Variants in MTOR observed in about 807,000 individuals in gnomAD.
The protein encoded by MTOR is serine/threonine-protein kinase mTOR.
In MTOR, 70 loss-of-function variants were observed where a neutral mutation model predicts 319.8. The ratio of observed to expected loss-of-function variants is 0.22; its 90% CI spans 0.18 to 0.27. The LOEUF is 0.27. MTOR is among the 10% of genes least tolerant of loss of function. The pLI is 1.00. For missense variants in MTOR, 1,890 were observed against 3,274.4 expected, an observed-to-expected ratio of 0.58 and a Z score of 10.32; for synonymous variants, 1,183 against 1,211.4, an observed-to-expected ratio of 0.98 and a Z score of 0.49.
rs1384136659 is a variant in MTOR, at chr1:11,250,073, C to T, written c.841-1979G>A. Among the ~76,000 whole-genome samples the T allele has an allele frequency of 3.3e-4, 45 of 136,706 alleles. 1 individual carries two copies. Among genetic ancestry groups the T allele is most frequent in the African/African-American group, 8.7e-4 (32 of 36,938 alleles). The allele number at this position is 136,706 out of a possible 152,430, so 89.7% of individuals were successfully genotyped here. A position where few individuals can be genotyped will look rare whatever the true frequency, so the allele number is the denominator to read the frequency against. ...CTGACCCCCACACCTCCCTCCCGGACGGGGCGGCTGGCCGGGCAGAGGGGC... is the reference window on the plus strand; with the variant it reads ...CTGACCCCCACACCTCCCTCCCGGATGGGGCGGCTGGCCGGGCAGAGGGGC... On this transcript the variant is annotated intron_variant, in intron 6 of 57. Transcript: ENST00000361445.
chr1:11,214,480 G>A (rs919029427), intron 20 of MTOR, among the ~76,000 whole-genome samples: 2 of 152,140 alleles, frequency 1.3e-5, no homozygotes, highest in African/African-American at 4.8e-5. Flanking sequence ...AAAAGTTCTG[G>A]AGTAGGAAAT....
intron 10 of MTOR, among the ~76,000 whole-genome samples, chr1:11,240,810 T>C (rs1647904562): frequency 6.6e-6 from 1 of 152,076 alleles, no homozygotes; most frequent in African/African-American, 2.4e-5. Context: ...CAACAAACAC[T>C]CTGGGAAGCA....
chr1:11,259,430 A>G lies in MTOR; in HGVS notation c.-14-7T>C, dbSNP rs371287012. The G allele has an allele frequency of 3.7e-5, 56 of 1,525,126 alleles. No homozygotes were observed. The African/African-American group carries it at 6.9e-4, about 19-fold the overall frequency. The allele number at this position is 1,525,126 out of a possible 1,614,324, so 94.5% of individuals were successfully genotyped here. Reference sequence around the variant, plus strand: ...AGCATCTTGCCCTGAGGTTCTTTAGAGAGAAGTTTCCTTTAATATTCTGGA... The same window carrying G: ...AGCATCTTGCCCTGAGGTTCTTTAGGGAGAAGTTTCCTTTAATATTCTGGA... On this transcript the variant is annotated splice_region_variant and splice_polypyrimidine_tract_variant and intron_variant, in intron 1 of 57. Coordinates refer to ENST00000361445, the MANE Select transcript of MTOR (RefSeq NM_004958.4).
At chr1:11,120,173 T>C (rs1430949336) in intron 49 of MTOR, among the ~76,000 whole-genome samples, 2 of 151,964 alleles carry the variant, frequency 1.3e-5, no homozygotes, top group Non-Finnish European at 1.5e-5. Context: ...TTCTCCTGGA[T>C]TCAAATGATC....
intron 29 of MTOR, 122 bp downstream of exon 29, chr1:11,167,320 C>T (rs1644678679): frequency 5.5e-6 from 4 of 725,858 alleles, no homozygotes; most frequent in South Asian, 1.6e-5. Context: ...GGTAAGTCAG[C>T]ATCAGACTGT....
chr1:11,254,740 G>A (rs1413768348), intron 5 of MTOR, among the ~76,000 whole-genome samples: 3 of 150,814 alleles, frequency 2.0e-5, no homozygotes, highest in Admixed American at 6.6e-5. Flanking sequence ...CTATTTTTCC[G>A]TATTTTAACA....
At position 11,106,827 on chromosome 1, in the gene MTOR, T is replaced by G; in HGVS notation, c.*658A>C. ...ACAGTGATCCCCTCTGTGCATCTGC[T>G]CAGCCGAGGCTGCCAGCGATCTGAA... On this transcript the variant is annotated 3_prime_UTR_variant, in exon 58 of 58. Coordinates refer to ENST00000361445, the MANE Select transcript of MTOR (RefSeq NM_004958.4). 1.5e-6 allele frequency: 2 copies of G among 1,306,090 alleles called. No individual in the cohort carries two copies. The highest frequency in any genetic ancestry group is 2.0e-6 in the Non-Finnish European group (2 of 1,006,668). 80.9% of individuals were successfully genotyped at this position (1,306,090 alleles called of 1,614,324 possible).
intron 53 of MTOR, among the ~76,000 whole-genome samples, chr1:11,113,910 C>T (rs568652331): frequency 4.5e-4 from 69 of 152,214 alleles, no homozygotes; most frequent in Admixed American, 8.5e-4. Flanking sequence ...ATGCTGTTCT[C>T]GTGATAGTGA....
In MTOR at chr1:11,250,218, G is replaced by C. The variant is rs1386047254; in HGVS notation, c.841-2124C>G. The stretch of plus-strand genomic sequence containing the variant: ...TCCCGGACGGGGCGGCTGGCCGGGC[G>C]GGGGGCTGACCCCCCACCTCCCTCC... On this transcript the variant is annotated intron_variant, in intron 6 of 57. Coordinates refer to ENST00000361445, the MANE Select transcript of MTOR (RefSeq NM_004958.4). 3.6e-5 allele frequency among the ~76,000 whole-genome samples: 3 copies of C among 82,792 alleles called. 1 individual carries two copies. The allele number at this position is 82,792 out of a possible 152,430, so 54.3% of individuals were successfully genotyped here.
chr1:11,238,346 C>T, intron 12 of MTOR, 56 bp downstream of exon 12: 10 of 1,567,932 alleles, frequency 6.4e-6, no homozygotes, highest in Non-Finnish European at 7.9e-6. Flanking sequence ...CTGGCTACTC[C>T]CAATTGTCCT....
At position 11,247,940 on chromosome 1, in the gene MTOR, C is replaced by A; in HGVS notation, c.995G>T (p.Gly332Val). ...VQPQQSNALVGLLGYSSHQGL... is the reference protein window; with the variant it reads ...VQPQQSNALVVLLGYSSHQGL... ...TTGGTGAGAGCTGTACCCCAGCAGC[C>A]CCACCAAGGCATTTGACTGCTGGGG... is the stretch of plus-strand genomic sequence containing the variant. The change falls in exon 7 of 58, where the codon GGG becomes GTG. Residue 332 changes from glycine (G) to valine (V), a missense_variant. This residue lies in a region of MTOR where 418 missense variants were observed against 543.1 expected (regional missense o/e 0.77). Coordinates refer to ENST00000361445, the MANE Select transcript of MTOR (RefSeq NM_004958.4). The A allele has an allele frequency of 1.2e-6, 2 of 1,614,166 alleles. No homozygotes were observed. The highest frequency in any genetic ancestry group is 1.7e-6 in the Non-Finnish European group (2 of 1,180,026).
At chr1:11,122,502 AT>A (rs35016135) in intron 47 of MTOR, among the ~76,000 whole-genome samples, 5,075 of 78,730 alleles carry the variant, frequency 0.064, 191 homozygotes, top group African/African-American at 0.13. Flanking sequence ...ACCCAGCCCT[AT>A]TTTTTTTTTT....
Position 11,107,854 on chromosome 1 carries a change from G to A in MTOR, c.7634+327C>T, listed in dbSNP as rs762929610. On this transcript the variant is annotated intron_variant, in intron 57 of 57. Coordinates refer to ENST00000361445, the MANE Select transcript of MTOR (RefSeq NM_004958.4). Reference sequence around the variant, plus strand: ...ACTGCTCTAGCTTTTTCTTTCCTTCGCCCTTCCTGTATCTCTGCACTGGAC... The same window carrying A: ...ACTGCTCTAGCTTTTTCTTTCCTTCACCCTTCCTGTATCTCTGCACTGGAC... Among the ~76,000 whole-genome samples, 11 of 151,764 alleles carry A rather than the reference G, an allele frequency of 7.2e-5. No individual in the cohort carries two copies. The South Asian group carries it at 1.0e-3, about 14-fold the overall frequency.
chr1:11,190,498 C>T (rs1195240491), intron 28 of MTOR, among the ~76,000 whole-genome samples: 1 of 152,142 alleles, frequency 6.6e-6, no homozygotes, highest in Non-Finnish European at 1.5e-5. Flanking sequence ...TGAAGAGTCC[C>T]TTTGTGTTCA....
rs75176375 is a variant in MTOR, at chr1:11,230,458, C to T, written c.2779+467G>A. ...GCAGCTCTTGGGCCAGACCATTTCA[C>T]GGAAAAAAGAGCCCCAAATTTCTGA... On this transcript the variant is annotated intron_variant, in intron 18 of 57. Transcript: ENST00000361445. Among the ~76,000 whole-genome samples the T allele has an allele frequency of 8.1e-3, 1,227 of 152,236 alleles. 20 individuals carry two copies. Among genetic ancestry groups the T allele is most frequent in the African/African-American group, 0.027 (1,125 of 41,530 alleles).
intron 13 of MTOR, among the ~76,000 whole-genome samples, chr1:11,234,851 T>C (rs1242591894): frequency 1.3e-5 from 2 of 152,080 alleles, no homozygotes; most frequent in Non-Finnish European, 2.9e-5. Flanking sequence ...TGGTTCTAGC[T>C]GACATCCTTA....
At chr1:11,240,637 G>C (rs1004380539) in intron 10 of MTOR, 90 bp from the exon 11 acceptor site, 2 of 1,485,734 alleles carry the variant, frequency 1.3e-6, no homozygotes, top group Non-Finnish European at 9.1e-7. Flanking sequence ...CCAGCAAGGG[G>C]ATCAGGCCTC....
At chr1:11,197,806 G>A (rs898391204) in intron 28 of MTOR, among the ~76,000 whole-genome samples, 4 of 152,188 alleles carry the variant, frequency 2.6e-5, no homozygotes, top group African/African-American at 9.7e-5. Flanking sequence ...GCCTCCCAGA[G>A]TGCTGGGATT....
Position 11,172,484 on chromosome 1 carries a change from C to T in MTOR, c.4254-4967G>A, listed in dbSNP as rs141167006. 9.1e-4 allele frequency among the ~76,000 whole-genome samples: 131 copies of T among 143,264 alleles called. 1 individual carries two copies. The highest frequency in any genetic ancestry group is 3.9e-3 in the Middle Eastern group (1 of 258). The allele number at this position is 143,264 out of a possible 152,430, so 94.0% of individuals were successfully genotyped here. A position where few individuals can be genotyped will look rare whatever the true frequency, so the allele number is the denominator to read the frequency against. On this transcript the variant is annotated intron_variant, in intron 28 of 57. Transcript: ENST00000361445. ...CTGAGGCAGGAGAATGGCATGAACC[C>T]GAGAGGTGGAGCTTGCTGTGAGCCG...
Sources: allele counts gnomAD v4.1 joint callset (sites outside exome capture counted in the v4.1 genomes callset), GRCh38; gene constraint gnomAD v4.1.1; regional missense constraint gnomAD v4.1.1; transcripts MANE v1.5; gene names NCBI Gene and HGNC (gene_info 2026-07-23, HGNC 2026-07-21).